E2F7: variants seen among roughly 807,000 people sequenced by gnomAD.
E2F7 encodes transcription factor E2F7.
Under a neutral mutation model 81.1 loss-of-function variants are expected in E2F7, and 35 were observed. The observed-to-expected ratio is 0.43, with a 90% CI of 0.33 to 0.57. The LOEUF is 0.57. Among genes scored for constraint, E2F7 ranks in the 20% least tolerant of loss-of-function variants. The pLI is 0.04. For synonymous variants in E2F7, 416 were observed against 416.2 expected (o/e 1.00, Z 0.01); for missense variants, 961 against 1,093.7 (o/e 0.88, Z 1.71).
chr12:77,052,145 A>C (rs1455221429), intron 3 of E2F7, among the ~76,000 whole-genome samples: 2 of 152,220 alleles, frequency 1.3e-5, no homozygotes, highest in Non-Finnish European at 2.9e-5. Context: ...AATACTTAAA[A>C]TTTAGTGAAA....
At chr12:77,037,993 G>A (rs1293144589) in intron 7 of E2F7, among the ~76,000 whole-genome samples, 1 of 152,092 alleles carries the variant, frequency 6.6e-6, no homozygotes, top group East Asian at 1.9e-4. Flanking sequence ...AAGCTGAAGT[G>A]ACTATATCAC....
At position 77,025,821 on chromosome 12, in the gene E2F7, C is replaced by T; in HGVS notation, c.2302G>A (p.Val768Ile). 6.2e-7 allele frequency: 1 copy of T among 1,614,030 alleles called. No individual in the cohort carries two copies. ...VLYSPAMPGP[V>I]SSTLGALPNT... ...GGGAGAGCACCAAGAGTAGAAGAAA[C>T]CGGGCCCGGCATTGCAGGAGAATAG... is the stretch of plus-strand genomic sequence containing the variant. Residue 768 changes from valine (V) to isoleucine (I), a missense_variant, in exon 12 of 13, where the codon GTT becomes ATT. Val to Ile is a conservative substitution (Grantham distance 29, BLOSUM62 3). Transcript: ENST00000322886.
chr12:77,043,573 A>T (rs1954912211), intron 6 of E2F7, among the ~76,000 whole-genome samples: 1 of 152,024 alleles, frequency 6.6e-6, no homozygotes, highest in Non-Finnish European at 1.5e-5. Flanking sequence ...TCCAAGCAGG[A>T]GACTGTGGCG....
rs1954909895 is a variant in E2F7, at chr12:77,043,345, T to C, written c.989-146A>G. The C allele has an allele frequency of 5.0e-6, 5 of 1,001,770 alleles. No individual in the cohort carries two copies. The Admixed American group carries it at 6.9e-5, about 14-fold the overall frequency. The allele number at this position is 1,001,770 out of a possible 1,614,324, so 62.1% of individuals were successfully genotyped here. ...GATGAGGAGACCAGTGGCTCTGTCA[T>C]AAAATCACCCAGGATTTATGTACCT... On this transcript the variant is annotated intron_variant, in intron 6 of 12. Transcript: ENST00000322886.
At chr12:77,058,656 A>T (rs538879394) in intron 2 of E2F7, among the ~76,000 whole-genome samples, 1 of 152,236 alleles carries the variant, frequency 6.6e-6, no homozygotes, top group East Asian at 1.9e-4. Context: ...ACCTCACTAT[A>T]CTTTATTTCT....
At position 77,043,123 on chromosome 12, in the gene E2F7, T is replaced by C. The variant is rs953323407; in HGVS notation, c.1065A>G (p.Glu355=). 3 of 1,614,086 alleles carry C rather than the reference T, an allele frequency of 1.9e-6. No individual in the cohort carries two copies. The highest frequency in any genetic ancestry group is 1.3e-5 in the African/African-American group (1 of 74,936). ...TGAAGGCTGGTTTACGACCTCGCTC[T>C]TCTGTTACATGCACTTTCTTTATCA... The part of the protein sequence containing the change: ...LALIKKVHVT[E]ERGRKPAFKW... Residue 355 remains glutamate, a synonymous_variant, in exon 7 of 13, where the codon GAA becomes GAG. Transcript: ENST00000322886.
chr12:77,036,951 G>A (rs1565900450), intron 7 of E2F7, among the ~76,000 whole-genome samples: 1 of 151,992 alleles, frequency 6.6e-6, no homozygotes, highest in African/African-American at 2.4e-5. Flanking sequence ...GGGTTTCACC[G>A]TGTTAGCCAG....
In E2F7 at chr12:77,023,872, T is replaced by C. The variant is rs905356342; in HGVS notation, c.*143A>G. The C allele has an allele frequency of 3.2e-5, 31 of 973,414 alleles. No individual in the cohort carries two copies. Among genetic ancestry groups the C allele is most frequent in the Non-Finnish European group, 4.5e-5 (30 of 662,046 alleles). 60.3% of individuals were successfully genotyped at this position (973,414 alleles called of 1,614,324 possible). A position where few individuals can be genotyped will look rare whatever the true frequency, so the allele number is the denominator to read the frequency against. The stretch of plus-strand genomic sequence containing the variant: ...TAATTACTTTCAGGAAATCAGATGA[T>C]TGATGGTGGTGGGAAGTTAACAGAA... On this transcript the variant is annotated 3_prime_UTR_variant, in exon 13 of 13. Coordinates refer to ENST00000322886, the MANE Select transcript of E2F7 (RefSeq NM_203394.3).
chr12:77,030,528 G>C (rs971999947), intron 9 of E2F7, among the ~76,000 whole-genome samples, 196 bp from the exon 10 acceptor site: 1 of 152,128 alleles, frequency 6.6e-6, no homozygotes. Context: ...GGTTAGGATG[G>C]GGTGGGAGAG....
At chr12:77,052,128 T>G (rs1954994581) in intron 3 of E2F7, among the ~76,000 whole-genome samples, 1 of 152,176 alleles carries the variant, frequency 6.6e-6, no homozygotes, top group Non-Finnish European at 1.5e-5. Flanking sequence ...AAACTTAGAT[T>G]TTAAAGAATA....
chr12:77,040,309 A>G (rs960789975), intron 7 of E2F7, among the ~76,000 whole-genome samples: 1 of 152,196 alleles, frequency 6.6e-6, no homozygotes, highest in Non-Finnish European at 1.5e-5. Context: ...TGTGCTAAGA[A>G]ACACTAGACA....
intron 6 of E2F7, among the ~76,000 whole-genome samples, chr12:77,043,537 C>T (rs1224721095): frequency 1.3e-5 from 2 of 152,008 alleles, no homozygotes; most frequent in African/African-American, 2.4e-5. Flanking sequence ...TCTGACATGG[C>T]ACGTCAAAAG....
intron 8 of E2F7, 92 bp from the exon 9 acceptor site, chr12:77,033,214 T>A: frequency 8.4e-7 from 1 of 1,185,448 alleles, no homozygotes; most frequent in South Asian, 1.4e-5. Context: ...AATTCATTAT[T>A]CTCAGCTCAA....
At chr12:77,033,813 A>ATGG in intron 8 of E2F7, 44 bp downstream of exon 8, 1 of 1,507,732 alleles carries the variant, frequency 6.6e-7, no homozygotes, top group Non-Finnish European at 8.9e-7. Context: ...GGCTACAGCT[A>ATGG]CATGGCAACT....
At chr12:77,054,208 G>A (rs934978197) in intron 3 of E2F7, among the ~76,000 whole-genome samples, 1 of 151,502 alleles carries the variant, frequency 6.6e-6, no homozygotes, top group Non-Finnish European at 1.5e-5. Flanking sequence ...ACCTGCACAT[G>A]TACCCACTGA....
At chr12:77,041,767 G>C (rs527691518) in intron 7 of E2F7, among the ~76,000 whole-genome samples, 2 of 152,286 alleles carry the variant, frequency 1.3e-5, no homozygotes, top group African/African-American at 4.8e-5. Flanking sequence ...ACCCCGTCTA[G>C]CATGTAATTG....
chr12:77,051,439 T>C (rs896077812), intron 3 of E2F7, among the ~76,000 whole-genome samples: 2 of 152,106 alleles, frequency 1.3e-5, no homozygotes, highest in African/African-American at 4.8e-5. Flanking sequence ...ATTCATGATT[T>C]TCAAAAACAC....
chr12:77,029,031 T>C (rs2120627152), intron 10 of E2F7, among the ~76,000 whole-genome samples: 2 of 152,270 alleles, frequency 1.3e-5, no homozygotes, highest in East Asian at 3.9e-4. Context: ...ACATAAAGGG[T>C]GTTGATACTA....
intron 2 of E2F7, 131 bp from the exon 3 acceptor site, chr12:77,056,261 A>G: frequency 1.1e-6 from 1 of 952,196 alleles, no homozygotes; most frequent in Non-Finnish European, 1.5e-6. Context: ...GAAAAGTATC[A>G]GGATAGGACT....
Sources: gnomAD v4.1 joint callset for allele counts (sites outside exome capture counted in the v4.1 genomes callset) on GRCh38, gnomAD v4.1.1 for gene constraint, MANE v1.5 for transcripts, NCBI Gene and HGNC (gene_info 2026-07-23, HGNC 2026-07-21) for gene names.